Variants in PACS2 observed in about 807,000 individuals in gnomAD.
PACS2 encodes PACS1-like protein.
PACS2 carries 36 observed loss-of-function variants against 113.0 expected under a neutral mutation model. That is an observed-to-expected ratio of 0.32 (90% confidence interval 0.24 to 0.42). PACS2 has a LOEUF of 0.42. Among genes scored for constraint, PACS2 ranks in the 10% least tolerant of loss-of-function variants. PACS2 has a pLI of 1.00. For synonymous variants in PACS2, 589 were observed against 536.1 expected, an observed-to-expected ratio of 1.10 and a Z score of -1.36; for missense variants, 1,015 against 1,239.5, an observed-to-expected ratio of 0.82 and a Z score of 2.72.
chr14:105,317,624 T>C lies in PACS2; in HGVS notation c.119+2587T>C, dbSNP rs78147348. Among the ~76,000 whole-genome samples, 3 of 152,088 alleles carry C rather than the reference T, an allele frequency of 2.0e-5. No homozygotes were observed. The highest frequency in any genetic ancestry group is 6.5e-5 in the Admixed American group (1 of 15,274). ...TCCTGTTCCTTTGCCAGTTTTTTTT[T>C]CTCTTTTTTTCTGCTTGAGTTTCAG... On this transcript the variant is annotated intron_variant, in intron 1 of 24. Transcript: ENST00000447393. This position sits in a 1 kb window ranked among gnomAD's most constrained non-coding sequence, Gnocchi z 4.2.
chr14:105,334,425 C>A (rs587666049), intron 1 of PACS2, among the ~76,000 whole-genome samples: 2 of 152,354 alleles, frequency 1.3e-5, no homozygotes, highest in East Asian at 1.9e-4. Flanking sequence ...ACCCTCTTCC[C>A]TCTGTCTGTG....
In PACS2 at chr14:105,376,665, T is replaced by G. The variant is rs1595742940; in HGVS notation, c.802-103T>G. On this transcript the variant is annotated intron_variant, in intron 8 of 24. Coordinates refer to ENST00000447393, the MANE Select transcript of PACS2 (RefSeq NM_001100913.3). This position sits in a 1 kb window ranked among gnomAD's most constrained non-coding sequence, Gnocchi z 4.7. ...TGAGTGGAGGGGTTTGGTGGCTGGG[T>G]GCCCGCCTCCTATTGCTCCTGCAGA... 9.3e-7 allele frequency: 1 copy of G among 1,078,782 alleles called. No individual in the cohort carries two copies. The highest frequency in any genetic ancestry group is 1.6e-5 in the African/African-American group (1 of 62,728). The allele number at this position is 1,078,782 out of a possible 1,614,324, so 66.8% of individuals were successfully genotyped here. A position where few individuals can be genotyped will look rare whatever the true frequency, so the allele number is the denominator to read the frequency against.
chr14:105,307,949 G>C (rs1459136436), intron 1 of PACS2, among the ~76,000 whole-genome samples: 1 of 152,236 alleles, frequency 6.6e-6, no homozygotes, highest in Non-Finnish European at 1.5e-5. Flanking sequence ...TTGGGAGGCA[G>C]AGGTGGGAGG....
At chr14:105,373,462 G>C (rs1454329937) in intron 8 of PACS2, among the ~76,000 whole-genome samples, 1 of 152,194 alleles carries the variant, frequency 6.6e-6, no homozygotes, top group African/African-American at 2.4e-5. Context: ...GATATCCATG[G>C]GGGAAGAATA....
intron 11 of PACS2, among the ~76,000 whole-genome samples, chr14:105,380,701 TAGG>T (rs1434355375): frequency 2.0e-5 from 3 of 152,018 alleles, no homozygotes; most frequent in African/African-American, 7.2e-5. Context: ...TCTCCTCAGT[TAGG>T]AGGTCCTGGG....
intron 1 of PACS2, among the ~76,000 whole-genome samples, chr14:105,333,448 C>A (rs2059382721): frequency 6.6e-6 from 1 of 152,226 alleles, no homozygotes; most frequent in Admixed American, 6.5e-5. Context: ...GAAGCCAGTC[C>A]CTGGCCGTCC....
At chr14:105,392,515 G>C in intron 22 of PACS2, 104 bp from the exon 23 acceptor site, 1 of 1,006,780 alleles carries the variant, frequency 9.9e-7, no homozygotes, top group South Asian at 1.5e-5. Flanking sequence ...TGGCAAGTTG[G>C]CACAGGTGCT....
At position 105,348,551 on chromosome 14, in the gene PACS2, A is replaced by T; in HGVS notation, c.178A>T (p.Ile60Phe). The change falls in exon 2 of 25, where the codon ATC (isoleucine) becomes TTC (phenylalanine). Residue 60 changes from isoleucine (I) to phenylalanine (F), a missense_variant. Ile to Phe is a conservative substitution (Grantham distance 21). This residue lies in a region of PACS2 where 140 missense variants were observed against 135.1 expected (regional missense o/e 1.04). Coordinates refer to ENST00000447393, the MANE Select transcript of PACS2 (RefSeq NM_001100913.3). This position sits in a 1 kb window ranked among gnomAD's most constrained non-coding sequence, Gnocchi z 6.4. The part of the protein sequence containing the change: ...VVFKELEKEL[I>F]SVVIAVKMQG... ...CTTCAAGGAGCTGGAGAAGGAGCTG[A>T]TCTCCGTGGTGATCGCTGTCAAGAT... The T allele has an allele frequency of 6.2e-7, 1 of 1,612,278 alleles. No homozygotes were observed. The highest frequency in any genetic ancestry group is 8.5e-7 in the Non-Finnish European group (1 of 1,179,680).
intron 19 of PACS2, chr14:105,389,082 T>C (rs2081272433): frequency 6.6e-6 from 1 of 152,248 alleles, no homozygotes; most frequent in Non-Finnish European, 1.5e-5. Context: ...CAGGCTGCAG[T>C]GGGCACAGTC....
Position 105,369,994 on chromosome 14 carries a change from GGTTCTGCCGCTCACC to G in PACS2, c.801+97_801+111del, listed in dbSNP as rs1380884604. ...TGGGGTCTGTCTCCGGGCCACCTCTGGTTCTGCCGCTCACCGTCTGCACGGCCCCGCCAGCATCGC... is the reference window on the plus strand; with the variant it reads ...TGGGGTCTGTCTCCGGGCCACCTCTGGTCTGCACGGCCCCGCCAGCATCGC... On this transcript the variant is annotated intron_variant, in intron 8 of 24. Transcript: ENST00000447393. The G allele has an allele frequency of 1.1e-5, 12 of 1,096,912 alleles. No homozygotes were observed. In the African/African-American group the frequency reaches 1.9e-4, roughly 17 times the overall value. The allele number at this position is 1,096,912 out of a possible 1,614,324, so 67.9% of individuals were successfully genotyped here.
In PACS2 at chr14:105,376,038, G is replaced by A. The variant is rs187341668; in HGVS notation, c.802-730G>A. Among the ~76,000 whole-genome samples, 30 of 152,292 alleles carry A rather than the reference G, an allele frequency of 2.0e-4. No individual in the cohort carries two copies. Among genetic ancestry groups the A allele is most frequent in the African/African-American group, 6.3e-4 (26 of 41,558 alleles). On this transcript the variant is annotated intron_variant, in intron 8 of 24. Coordinates refer to ENST00000447393, the MANE Select transcript of PACS2 (RefSeq NM_001100913.3). This position sits in a 1 kb window ranked among gnomAD's most constrained non-coding sequence, Gnocchi z 4.7. The stretch of plus-strand genomic sequence containing the variant: ...CACCTTCTTTATGGGGCAGCAGGTC[G>A]GAGTGGGTGCCTGCAGGGGAAATAC...
Position 105,323,088 on chromosome 14 carries a change from C to T in PACS2, c.119+8051C>T, listed in dbSNP as rs775260875. Among the ~76,000 whole-genome samples, 40 of 152,264 alleles carry T rather than the reference C, an allele frequency of 2.6e-4. No homozygotes were observed. Among genetic ancestry groups the T allele is most frequent in the African/African-American group, 8.9e-4 (37 of 41,534 alleles). On this transcript the variant is annotated intron_variant, in intron 1 of 24. Transcript: ENST00000447393. The surrounding 1 kb of genome is among the most constrained non-coding windows in gnomAD (Gnocchi z 4.1). ...CTGGGTGGCTTTGTGGTCATGTCAT[C>T]GTTGCCAACGGTCGTCTCATGGTGG...
intron 8 of PACS2, among the ~76,000 whole-genome samples, chr14:105,373,565 C>G (rs1555409772): frequency 6.6e-6 from 1 of 152,204 alleles, no homozygotes; most frequent in African/African-American, 2.4e-5. Flanking sequence ...AACCCCAGCA[C>G]TCTGGGAGGC....
In PACS2 at chr14:105,381,058, G is replaced by A; in HGVS notation, c.1227G>A (p.Gly409=). 1.9e-6 allele frequency: 3 copies of A among 1,612,502 alleles called. No homozygotes were observed. Among genetic ancestry groups the A allele is most frequent in the Non-Finnish European group, 2.5e-6 (3 of 1,179,760 alleles). Residue 409 remains glycine, a synonymous_variant, in exon 12 of 25, where the codon GGG becomes GGA. Coordinates refer to ENST00000447393, the MANE Select transcript of PACS2 (RefSeq NM_001100913.3). The part of the protein sequence containing the change: ...DVFTERLPPS[G]RITKTESLVI... ...TCACGGAGAGGCTGCCGCCCAGCGG[G>A]AGGATCACCAAGACAGAGTCCCTTG...
At chr14:105,343,172 G>A (rs2059797835) in intron 1 of PACS2, among the ~76,000 whole-genome samples, 1 of 152,152 alleles carries the variant, frequency 6.6e-6, no homozygotes, top group African/African-American at 2.4e-5. Flanking sequence ...CTTGACACGG[G>A]CGTCTCTCAC....
intron 4 of PACS2, among the ~76,000 whole-genome samples, chr14:105,363,973 G>A (rs988193273): frequency 3.3e-5 from 5 of 152,066 alleles, no homozygotes; most frequent in African/African-American, 1.2e-4. Flanking sequence ...GCAGTCAGAC[G>A]CACACACCTA....
At position 105,357,451 on chromosome 14, in the gene PACS2, C is replaced by T. The variant is rs2060497657; in HGVS notation, c.423+2274C>T. Among the ~76,000 whole-genome samples, 1 of 152,192 alleles carries T rather than the reference C, an allele frequency of 6.6e-6. No homozygotes were observed. Among genetic ancestry groups the T allele is most frequent in the South Asian group, 2.1e-4 (1 of 4,832 alleles). On this transcript the variant is annotated intron_variant, in intron 4 of 24. Transcript: ENST00000447393. The surrounding 1 kb of genome is among the most constrained non-coding windows in gnomAD (Gnocchi z 5.1). The stretch of plus-strand genomic sequence containing the variant: ...TTCCAAAGCCGAGGTCATCTGACTG[C>T]TCCTCGCTCTCCCCTCCAGCATCTC...
rs2060479345 is a variant in PACS2 at position 105,357,025 on chromosome 14, G to A, written c.423+1848G>A. The stretch of plus-strand genomic sequence containing the variant: ...CTGGTCCCTGTGTAGCCATGCAGGT[G>A]ATGTCCTGCTGATCCCTGCCGGTCC... On this transcript the variant is annotated intron_variant, in intron 4 of 24. Coordinates refer to ENST00000447393, the MANE Select transcript of PACS2 (RefSeq NM_001100913.3). The surrounding 1 kb of genome is among the most constrained non-coding windows in gnomAD (Gnocchi z 5.1). Among the ~76,000 whole-genome samples the A allele has an allele frequency of 6.6e-6, 1 of 152,138 alleles. No individual in the cohort carries two copies. The highest frequency in any genetic ancestry group is 6.5e-5 in the Admixed American group (1 of 15,280).
At position 105,368,084 on chromosome 14, in the gene PACS2, C is replaced by G. The variant is rs587710550; in HGVS notation, c.597C>G (p.Ser199=). The G allele has an allele frequency of 6.2e-7, 1 of 1,607,962 alleles. No homozygotes were observed. Among genetic ancestry groups the G allele is most frequent in the Non-Finnish European group, 8.5e-7 (1 of 1,175,100 alleles). ...CTGTTCATTCCGCAGATAACTACTC[C>G]GAGGAGGAGTATGAGAGCTTCTCCT... ...GPKAKSTDNY[S]EEEYESFSSE... Residue 199 remains serine, a synonymous_variant, in exon 6 of 25, where the codon TCC becomes TCG. Coordinates refer to ENST00000447393, the MANE Select transcript of PACS2 (RefSeq NM_001100913.3).
Sources: gnomAD v4.1 joint callset for allele counts (sites outside exome capture counted in the v4.1 genomes callset) on GRCh38, gnomAD v4.1.1 for gene constraint, gnomAD v4.1.1 regional missense constraint, Gnocchi (gnomAD v3.1) non-coding constraint, MANE v1.5 for transcripts, NCBI Gene and HGNC (gene_info 2026-07-23, HGNC 2026-07-21) for gene names.